Variants in UMAD1 observed in about 807,000 individuals in gnomAD.
UMAD1 encodes UBAP1-MVB12-associated (UMA)-domain containing protein 1.
UMAD1 carries 8 observed loss-of-function variants against 6.1 expected under a neutral mutation model. The ratio of observed to expected loss-of-function variants is 1.30; its 90% CI spans 0.76 to 2.35. UMAD1 has a LOEUF of 2.35. Ranked by LOEUF, UMAD1 falls within the 30% of genes most tolerant of loss-of-function variation. The pLI, the probability that UMAD1 is intolerant of heterozygous loss-of-function variation, is 0.00. For synonymous variants in UMAD1, 56 were observed against 31.4 expected, an observed-to-expected ratio of 1.78 and a Z score of -2.61; for missense variants, 130 against 78.4, an observed-to-expected ratio of 1.66 and a Z score of -2.49.
intron 1 of UMAD1, among the ~76,000 whole-genome samples, chr7:7,655,797 G>C (rs1400137516): frequency 6.6e-6 from 1 of 151,036 alleles, no homozygotes; most frequent in South Asian, 2.1e-4. Flanking sequence ...TAGGTATATA[G>C]TAAGTGTATA....
At chr7:7,732,278 T>C (rs557162638) in intron 2 of UMAD1, among the ~76,000 whole-genome samples, 3 of 152,060 alleles carry the variant, frequency 2.0e-5, no homozygotes, top group Non-Finnish European at 4.4e-5. Flanking sequence ...ATTTACTAAT[T>C]GTCCTTAACT....
intron 3 of UMAD1, among the ~76,000 whole-genome samples, chr7:7,864,602 T>TACAC (rs59036228): frequency 0.033 from 4,559 of 140,118 alleles, 85 homozygotes; most frequent in East Asian, 0.092. Context: ...ACATGAAAAC[T>TACAC]ACACACACAC....
intron 1 of UMAD1, among the ~76,000 whole-genome samples, chr7:7,656,559 A>G (rs1034098940): frequency 6.7e-6 from 1 of 150,336 alleles, no homozygotes; most frequent in Non-Finnish European, 1.5e-5. Context: ...AAGTGAAAAC[A>G]TGTGGTGTTT....
intron 2 of UMAD1, among the ~76,000 whole-genome samples, chr7:7,704,299 GTTAAC>G (rs912611652): frequency 3.9e-5 from 6 of 152,084 alleles, no homozygotes; most frequent in South Asian, 2.1e-4. Context: ...ATGTAAAACA[GTTAAC>G]TTAATAAATA....
chr7:7,728,802 G>A (rs1459136630), intron 2 of UMAD1, among the ~76,000 whole-genome samples: 1 of 152,164 alleles, frequency 6.6e-6, no homozygotes, highest in East Asian at 1.9e-4. Flanking sequence ...CTTCTCATTT[G>A]TGGTGTATCC....
At chr7:7,809,492 A>G (rs1313711522) in intron 3 of UMAD1, among the ~76,000 whole-genome samples, 1 of 152,038 alleles carries the variant, frequency 6.6e-6, no homozygotes, top group African/African-American at 2.4e-5. Flanking sequence ...ACAATGTGAA[A>G]TGATTAAATC....
At chr7:7,784,339 T>A in intron 2 of UMAD1, among the ~76,000 whole-genome samples, 1 of 5,638 alleles carries the variant, frequency 1.8e-4, no homozygotes, top group East Asian at 4.2e-3. Flanking sequence ...AAATCTCTGT[T>A]TTTTTTTTTT....
At chr7:7,788,327 C>T (rs1782497755) in intron 2 of UMAD1, among the ~76,000 whole-genome samples, 1 of 152,234 alleles carries the variant, frequency 6.6e-6, no homozygotes, top group South Asian at 2.1e-4. Context: ...TGGTTGAAAT[C>T]TGGGTTGGGG....
At chr7:7,795,258 C>T (rs1782652278) in intron 2 of UMAD1, among the ~76,000 whole-genome samples, 1 of 152,256 alleles carries the variant, frequency 6.6e-6, no homozygotes, top group South Asian at 2.1e-4. Context: ...ATAAACCTCT[C>T]CAAATATTTT....
At chr7:7,726,391 C>T (rs1781138230) in intron 2 of UMAD1, among the ~76,000 whole-genome samples, 1 of 152,198 alleles carries the variant, frequency 6.6e-6, no homozygotes. Context: ...TACCATGTTC[C>T]CCATCATCCT....
intron 2 of UMAD1, chr7:7,685,706 CTTCTT>C (rs1219410378): frequency 2.6e-5 from 4 of 152,160 alleles, no homozygotes; most frequent in Non-Finnish European, 4.4e-5. Context: ...TTGTACTTTT[CTTCTT>C]TTCTTTCCTT....
At chr7:7,852,178 C>A (rs763337138) in intron 3 of UMAD1, among the ~76,000 whole-genome samples, 1 of 152,060 alleles carries the variant, frequency 6.6e-6, no homozygotes, top group Non-Finnish European at 1.5e-5. Flanking sequence ...ATCAGCTGAC[C>A]GCAGATACGT....
chr7:7,871,129 TTAAAC>T (rs1400965939), intron 3 of UMAD1, among the ~76,000 whole-genome samples: 1 of 152,232 alleles, frequency 6.6e-6, no homozygotes, highest in African/African-American at 2.4e-5. Flanking sequence ...TAAATATATC[TTAAAC>T]TAGAGTTGCT....
At chr7:7,837,995 C>A (rs1173439689) in intron 3 of UMAD1, among the ~76,000 whole-genome samples, 1 of 152,014 alleles carries the variant, frequency 6.6e-6, no homozygotes, top group Non-Finnish European at 1.5e-5. Context: ...TATGACACTT[C>A]TAATGTTGTA....
At chr7:7,753,016 A>G (rs1212277855) in intron 2 of UMAD1, among the ~76,000 whole-genome samples, 1 of 152,188 alleles carries the variant, frequency 6.6e-6, no homozygotes, top group African/African-American at 2.4e-5. Context: ...CATATTCCAG[A>G]AGGCATAAAG....
intron 2 of UMAD1, among the ~76,000 whole-genome samples, chr7:7,777,769 A>T (rs1782248627): frequency 6.6e-6 from 1 of 152,022 alleles, no homozygotes; most frequent in Non-Finnish European, 1.5e-5. Context: ...GATGTTTAAA[A>T]TTTGTAAAAG....
chr7:7,713,067 G>C (rs766850903), intron 2 of UMAD1, among the ~76,000 whole-genome samples: 2 of 152,098 alleles, frequency 1.3e-5, no homozygotes, highest in Non-Finnish European at 2.9e-5. Flanking sequence ...GGCCGCGCGC[G>C]GTGGCTCACA....
chr7:7,749,786 T>C (rs991529434), intron 2 of UMAD1, among the ~76,000 whole-genome samples: 3 of 152,212 alleles, frequency 2.0e-5, no homozygotes, highest in Non-Finnish European at 1.5e-5. Context: ...AAACATTTAT[T>C]ACACAGAAAA....
intron 1 of UMAD1, among the ~76,000 whole-genome samples, chr7:7,666,673 C>T (rs1314502880): frequency 2.6e-5 from 4 of 151,770 alleles, no homozygotes; most frequent in South Asian, 2.1e-4. Flanking sequence ...ATTTTTTGCC[C>T]GGTTTTTATT....
Sources: allele counts gnomAD v4.1 joint callset (sites outside exome capture counted in the v4.1 genomes callset), GRCh38; gene constraint gnomAD v4.1.1; transcripts MANE v1.5; gene names NCBI Gene and HGNC (gene_info 2026-07-23, HGNC 2026-07-21).